Variants in GLRA2 observed in about 807,000 individuals in gnomAD.
GLRA2 encodes glycine receptor alpha 2, also known as glycine receptor subunit alpha-2.
GLRA2 carries 11 observed loss-of-function variants against 31.6 expected under a neutral mutation model. The observed-to-expected ratio is 0.35, with a 90% CI of 0.22 to 0.58. The LOEUF is 0.58. Ranked by LOEUF, GLRA2 falls within the 20% of genes least tolerant of loss-of-function variation. The pLI, the probability that GLRA2 is intolerant of heterozygous loss-of-function variation, is 0.84. For synonymous variants in GLRA2, 132 were observed against 134.0 expected, an observed-to-expected ratio of 0.99 and a Z score of 0.10; for missense variants, 212 against 351.8, an observed-to-expected ratio of 0.60 and a Z score of 3.18.
At position 14,731,484 on chromosome X, in the gene GLRA2, G is replaced by GT. The variant is rs2091993298; in HGVS notation, c.*1000dup. 1 of 111,666 alleles carries GT rather than the reference G, an allele frequency of 9.0e-6. No homozygotes were observed. The highest frequency in any genetic ancestry group is 1.9e-5 in the Non-Finnish European group (1 of 53,163). The allele number at this position is 111,666 out of a possible 1,213,427, so 9.2% of individuals were successfully genotyped here. On this transcript the variant is annotated 3_prime_UTR_variant, in exon 9 of 9. Coordinates refer to ENST00000218075, the MANE Select transcript of GLRA2 (RefSeq NM_002063.4). Reference sequence around the variant, plus strand: ...TGAACTTTCCATTTCTGCTCTCATTGTAGGTGTAACTACTAGTCCTAATGT... The same window carrying GT: ...TGAACTTTCCATTTCTGCTCTCATTGTTAGGTGTAACTACTAGTCCTAATGT...
the GLRA2 span, among the ~76,000 whole-genome samples, chrX:14,488,803 T>C: frequency 8.9e-6 from 1 of 112,514 alleles, no homozygotes; most frequent in Non-Finnish European, 1.9e-5. Flanking sequence ...ATAATTTCCA[T>C]TTACCAACCA....
the GLRA2 span, among the ~76,000 whole-genome samples, chrX:14,503,626 A>G: frequency 1.8e-5 from 2 of 111,711 alleles, no homozygotes; most frequent in African/African-American, 6.5e-5. Context: ...TTCAATGCCA[A>G]CAGCCAGCAT....
intron 4 of GLRA2, among the ~76,000 whole-genome samples, chrX:14,592,986 A>T (rs376404950): frequency 1.3e-3 from 144 of 112,060 alleles, no homozygotes; most frequent in African/African-American, 4.6e-3. Context: ...TTCTCATGGC[A>T]GAAAGCCAAA....
At chrX:14,485,162 T>G in the GLRA2 span, among the ~76,000 whole-genome samples, 2 of 112,214 alleles carry the variant, frequency 1.8e-5, no homozygotes, top group African/African-American at 6.5e-5. Flanking sequence ...CCATCTCCAC[T>G]TCATTGTCAG....
At chrX:14,687,746 C>T (rs909209836) in intron 7 of GLRA2, among the ~76,000 whole-genome samples, 14 of 111,939 alleles carry the variant, frequency 1.3e-4, no homozygotes, top group Admixed American at 3.8e-4. Context: ...GTGATGGGTT[C>T]GAACTTCTTC....
At chrX:14,472,320 C>A in the GLRA2 span, among the ~76,000 whole-genome samples, 5 of 112,241 alleles carry the variant, frequency 4.5e-5, no homozygotes, top group East Asian at 1.4e-3. Context: ...CTGGGGATAG[C>A]AGTATGGAGA....
At chrX:14,632,683 G>C (rs1250667513) in intron 7 of GLRA2, among the ~76,000 whole-genome samples, 3 of 110,931 alleles carry the variant, frequency 2.7e-5, no homozygotes, top group Admixed American at 9.6e-5. Flanking sequence ...GACTGCTTTG[G>C]GGGGTAGGGG....
chrX:14,504,515 G>C, the GLRA2 span, among the ~76,000 whole-genome samples: 1 of 111,686 alleles, frequency 9.0e-6, no homozygotes, highest in Admixed American at 9.5e-5. Flanking sequence ...TGAGTGGGCA[G>C]ATGAGCAGAG....
chrX:14,485,198 T>C, the GLRA2 span, among the ~76,000 whole-genome samples: 3 of 112,179 alleles, frequency 2.7e-5, no homozygotes, highest in African/African-American at 9.7e-5. Context: ...AATCATCACT[T>C]GAGTGTGAGG....
intron 7 of GLRA2, among the ~76,000 whole-genome samples, chrX:14,638,227 G>A (rs1280302423): frequency 1.8e-5 from 2 of 111,428 alleles, no homozygotes; most frequent in African/African-American, 6.5e-5. Flanking sequence ...TTTGGGGAGG[G>A]TGGTGGTGGG....
At chrX:14,458,803 T>G in the GLRA2 span, among the ~76,000 whole-genome samples, 1 of 111,735 alleles carries the variant, frequency 8.9e-6, no homozygotes, top group African/African-American at 3.3e-5. Context: ...TTGCAAAAAT[T>G]TTCTCCCATT....
chrX:14,721,406 C>G (rs2091864309), intron 8 of GLRA2, among the ~76,000 whole-genome samples: 1 of 111,358 alleles, frequency 9.0e-6, no homozygotes, highest in Non-Finnish European at 1.9e-5. Context: ...CAACAAAACA[C>G]TACATTATAC....
At chrX:14,572,021 A>G (rs1347233155) in intron 2 of GLRA2, among the ~76,000 whole-genome samples, 1 of 112,097 alleles carries the variant, frequency 8.9e-6, no homozygotes, top group East Asian at 2.8e-4. Flanking sequence ...CTCATCTGTA[A>G]ACATTTACTA....
At chrX:14,692,690 C>G (rs779660465) in intron 8 of GLRA2, among the ~76,000 whole-genome samples, 1 of 111,506 alleles carries the variant, frequency 9.0e-6, no homozygotes, top group Non-Finnish European at 1.9e-5. Flanking sequence ...TTAAGAAACA[C>G]TATCCTGGCT....
chrX:14,622,023 G>A (rs2090526328), intron 7 of GLRA2, among the ~76,000 whole-genome samples: 1 of 112,001 alleles, frequency 8.9e-6, no homozygotes, highest in African/African-American at 3.2e-5. Context: ...TCCAGCACCT[G>A]TTGTTTCCTG....
At chrX:14,494,241 GT>G in the GLRA2 span, among the ~76,000 whole-genome samples, 1 of 111,664 alleles carries the variant, frequency 9.0e-6, no homozygotes, top group Non-Finnish European at 1.9e-5. Flanking sequence ...GTTTACCTAG[GT>G]GCTGTTCAAA....
intron 3 of GLRA2, among the ~76,000 whole-genome samples, chrX:14,577,655 T>TG (rs981906508): frequency 8.9e-6 from 1 of 111,802 alleles, no homozygotes; most frequent in African/African-American, 3.3e-5. Context: ...GAAAATTATC[T>TG]GGGGCAGTAA....
At chrX:14,449,221 T>A in the GLRA2 span, among the ~76,000 whole-genome samples, 1 of 112,104 alleles carries the variant, frequency 8.9e-6, no homozygotes, top group African/African-American at 3.2e-5. Context: ...GGGAGGAAGC[T>A]GGGAAGCTTG....
chrX:14,518,117 C>G, the GLRA2 span, among the ~76,000 whole-genome samples: 1 of 111,441 alleles, frequency 9.0e-6, no homozygotes, highest in Non-Finnish European at 1.9e-5. Context: ...GTACTGAACC[C>G]TTAGTAATCA....
Sources: gnomAD v4.1 joint callset for allele counts (sites outside exome capture counted in the v4.1 genomes callset) on GRCh38, gnomAD v4.1.1 for gene constraint, MANE v1.5 for transcripts, NCBI Gene and HGNC (gene_info 2026-07-23, HGNC 2026-07-21) for gene names.